MCMBP: variants seen among roughly 807,000 people sequenced by gnomAD.
MCMBP encodes the protein mini-chromosome maintenance complex-binding protein.
A neutral mutation model predicts 81.3 loss-of-function variants in MCMBP; 31 were observed. The observed-to-expected ratio is 0.38, with a 90% CI of 0.29 to 0.51. MCMBP has a LOEUF of 0.51. Among genes scored for constraint, MCMBP ranks in the 20% least tolerant of loss-of-function variants. The pLI is 0.87. For missense variants in MCMBP, 645 were observed against 772.1 expected, an observed-to-expected ratio of 0.84 and a Z score of 1.95; for synonymous variants, 267 against 275.9, an observed-to-expected ratio of 0.97 and a Z score of 0.32.
At position 119,838,511 on chromosome 10, in the gene MCMBP, G is replaced by A. The variant is rs547998924; in HGVS notation, c.1408+24C>T. On this transcript the variant is annotated intron_variant, in intron 12 of 15. Coordinates refer to ENST00000369077, the MANE Select transcript of MCMBP (RefSeq NM_001256378.2). ...TTTAGTGCGAAGGAAGTCAGAAATG[G>A]AAGAGAAACATCTATGTACGTACCT... 1.9e-6 allele frequency: 3 copies of A among 1,592,090 alleles called. No homozygotes were observed. In the South Asian group the frequency reaches 3.4e-5, roughly 18 times the overall value.
chr10:119,845,779 G>T (rs1166671911), intron 8 of MCMBP, among the ~76,000 whole-genome samples: 1 of 152,180 alleles, frequency 6.6e-6, no homozygotes, highest in Non-Finnish European at 1.5e-5. Flanking sequence ...AGTGGTATGG[G>T]TTACCAATTC....
rs561097047 is a variant in MCMBP at position 119,831,399 on chromosome 10, T to C, written c.*75A>G. The stretch of plus-strand genomic sequence containing the variant: ...GATAGAAATTACCTATAAAACAATG[T>C]GGTATAAATGAATATCTGAATTTTA... On this transcript the variant is annotated 3_prime_UTR_variant, in exon 16 of 16. Transcript: ENST00000369077. 1 of 1,546,916 alleles carries C rather than the reference T, an allele frequency of 6.5e-7. No individual in the cohort carries two copies. Among genetic ancestry groups the C allele is most frequent in the Non-Finnish European group, 8.8e-7 (1 of 1,131,466 alleles).
At chr10:119,858,506 C>A (rs905696649) in intron 4 of MCMBP, among the ~76,000 whole-genome samples, 1 of 150,210 alleles carries the variant, frequency 6.7e-6, no homozygotes, top group African/African-American at 2.5e-5. Flanking sequence ...ATGAATATTT[C>A]ATTAAATTTC....
intron 12 of MCMBP, among the ~76,000 whole-genome samples, chr10:119,837,876 TAA>T (rs910586400): frequency 2.6e-5 from 4 of 152,234 alleles, no homozygotes; most frequent in African/African-American, 9.6e-5. Flanking sequence ...TTCAGCTTTT[TAA>T]AAAGCTATTT....
At position 119,859,049 on chromosome 10, in the gene MCMBP, T is replaced by C; in HGVS notation, c.277A>G (p.Lys93Glu). The change falls in exon 3 of 16, where the codon AAA (lysine) becomes GAA (glutamate). Residue 93 changes from lysine to glutamate, a missense_variant. Coordinates refer to ENST00000369077, the MANE Select transcript of MCMBP (RefSeq NM_001256378.2). Reference sequence around the variant, plus strand: ...AAAACAGCAATACTTACATGTGCTTTTGTGTTTTGGTTAACCGTTTCATAA... The same window carrying C: ...AAAACAGCAATACTTACATGTGCTTCTGTGTTTTGGTTAACCGTTTCATAA... ...GVYETVNQNTKAHVLHFGKYR... is the reference protein window; with the variant it reads ...GVYETVNQNTEAHVLHFGKYR... 6.2e-7 allele frequency: 1 copy of C among 1,613,646 alleles called. No individual in the cohort carries two copies. The highest frequency in any genetic ancestry group is 8.5e-7 in the Non-Finnish European group (1 of 1,179,728).
chr10:119,830,253 G>A lies in MCMBP; in HGVS notation c.*1221C>T, dbSNP rs1410524053. 2 of 152,612 alleles carry A rather than the reference G, an allele frequency of 1.3e-5. No individual in the cohort carries two copies. Among genetic ancestry groups the A allele is most frequent in the African/African-American group, 2.4e-5 (1 of 41,428 alleles). The allele number at this position is 152,612 out of a possible 1,614,324, so 9.5% of individuals were successfully genotyped here. On this transcript the variant is annotated 3_prime_UTR_variant, in exon 16 of 16. Coordinates refer to ENST00000369077, the MANE Select transcript of MCMBP (RefSeq NM_001256378.2). ...GGGATCCTTTATCTGCCTCCAACTAGGTAAGTTATTTGATACCACTGACAG... is the reference window on the plus strand; with the variant it reads ...GGGATCCTTTATCTGCCTCCAACTAAGTAAGTTATTTGATACCACTGACAG...
In MCMBP at chr10:119,858,898, C is replaced by A. The variant is rs773935690; in HGVS notation, c.313G>T (p.Val105Leu). The part of the protein sequence containing the change: ...HVLHFGKYRD[V>L]AECGPQQELD... ...AAGATACATACCCCACACTCTGCTACATCTCTATATTTTCCAAAATGAAGA... is the reference window on the plus strand; with the variant it reads ...AAGATACATACCCCACACTCTGCTAAATCTCTATATTTTCCAAAATGAAGA... Residue 105 changes from valine to leucine, a missense_variant, in exon 4 of 16, where the codon GTA becomes TTA. Coordinates refer to ENST00000369077, the MANE Select transcript of MCMBP (RefSeq NM_001256378.2). 1.2e-6 allele frequency: 2 copies of A among 1,610,428 alleles called. No individual in the cohort carries two copies. Among genetic ancestry groups the A allele is most frequent in the South Asian group, 2.2e-5 (2 of 90,746 alleles).
chr10:119,869,637 G>A (rs985251427), intron 1 of MCMBP, among the ~76,000 whole-genome samples: 3 of 152,094 alleles, frequency 2.0e-5, no homozygotes, highest in Non-Finnish European at 4.4e-5. Flanking sequence ...CAGAGGCTGA[G>A]GCAGAATTGC....
rs1031602603 is a variant in MCMBP, at chr10:119,872,743, T to C, written c.-159A>G. 4 of 208,252 alleles carry C rather than the reference T, an allele frequency of 1.9e-5. No individual in the cohort carries two copies. Among genetic ancestry groups the C allele is most frequent in the Non-Finnish European group, 3.6e-5 (4 of 111,554 alleles). 12.9% of individuals were successfully genotyped at this position (208,252 alleles called of 1,614,324 possible). On this transcript the variant is annotated 5_prime_UTR_variant, in exon 1 of 16. Transcript: ENST00000369077. Reference sequence around the variant, plus strand: ...CACAGCGAGCCGCGGGGCGCGGGCCTCCCGCGCCTCAGGGAGCGGCGGCTG... The same window carrying C: ...CACAGCGAGCCGCGGGGCGCGGGCCCCCCGCGCCTCAGGGAGCGGCGGCTG...
chr10:119,869,217 AG>A (rs1853578036), intron 1 of MCMBP, among the ~76,000 whole-genome samples: 5 of 152,000 alleles, frequency 3.3e-5, no homozygotes. Flanking sequence ...AGGCCGAGGC[AG>A]GCAGATCACC....
intron 1 of MCMBP, among the ~76,000 whole-genome samples, chr10:119,864,426 T>A (rs34616747): frequency 0.055 from 8,407 of 152,316 alleles, 426 homozygotes; most frequent in South Asian, 0.27. Context: ...GCTGTTTGTA[T>A]TATCCTTTTC....
intron 11 of MCMBP, 113 bp downstream of exon 11, chr10:119,840,730 T>C (rs1852402664): frequency 1.7e-6 from 1 of 580,172 alleles, no homozygotes; most frequent in Non-Finnish European, 2.9e-6. Context: ...TTGTTTCCCC[T>C]TAAATAAGAT....
At chr10:119,869,912 AT>A (rs1457397975) in intron 1 of MCMBP, among the ~76,000 whole-genome samples, 2 of 152,236 alleles carry the variant, frequency 1.3e-5, no homozygotes, top group Admixed American at 6.5e-5. Context: ...TGTTAGGAAT[AT>A]GCTAGATCTG....
chr10:119,849,365 C>T, intron 7 of MCMBP, 60 bp downstream of exon 7: 1 of 1,538,384 alleles, frequency 6.5e-7, no homozygotes, highest in East Asian at 2.3e-5. Flanking sequence ...TGCTCAGACA[C>T]TAAGCTACTT....
At chr10:119,833,497 AAAAAG>A (rs1028688576) in intron 14 of MCMBP, among the ~76,000 whole-genome samples, 7 of 152,106 alleles carry the variant, frequency 4.6e-5, no homozygotes, top group East Asian at 1.9e-4. Context: ...AGAAAGAAAA[AAAAAG>A]AAAAGAAAAA....
At chr10:119,873,118 G>A (rs1004951296), upstream of MCMBP, among the ~76,000 whole-genome samples, 2 of 152,126 alleles carry the variant, frequency 1.3e-5, no homozygotes, top group Non-Finnish European at 2.9e-5. Context: ...GGGCTTATAA[G>A]AGGGCAAAGC....
chr10:119,872,905 G>A (rs534332767), upstream of MCMBP: 1 of 152,578 alleles, frequency 6.6e-6, no homozygotes, highest in African/African-American at 2.4e-5. Context: ...GCGTGGGGAG[G>A]GGCGGCGGGA....
intron 5 of MCMBP, among the ~76,000 whole-genome samples, chr10:119,856,432 A>G (rs191622506): frequency 3.3e-5 from 5 of 152,360 alleles, no homozygotes; most frequent in African/African-American, 1.2e-4. Flanking sequence ...GATGTTAAAC[A>G]CAAGATGTCA....
At chr10:119,836,054 A>G (rs1449288824) in intron 13 of MCMBP, among the ~76,000 whole-genome samples, 1 of 152,164 alleles carries the variant, frequency 6.6e-6, no homozygotes, top group Non-Finnish European at 1.5e-5. Flanking sequence ...GGCTGGCCTC[A>G]AAGTTCTGGG....
Sources: allele counts gnomAD v4.1 joint callset (sites outside exome capture counted in the v4.1 genomes callset), GRCh38; gene constraint gnomAD v4.1.1; transcripts MANE v1.5; gene names NCBI Gene and HGNC (gene_info 2026-07-23, HGNC 2026-07-21).